GRID2: variants seen among roughly 807,000 people sequenced by gnomAD.
The protein encoded by GRID2 is glutamate receptor ionotropic, delta-2.
Under a neutral mutation model 114.8 loss-of-function variants are expected in GRID2, and 33 were observed. The ratio of observed to expected loss-of-function variants is 0.29; its 90% CI spans 0.22 to 0.38. GRID2 has a LOEUF of 0.38. GRID2 is among the 10% of genes least tolerant of loss of function. The pLI, the probability that GRID2 is intolerant of heterozygous loss-of-function variation, is 1.00. For synonymous variants in GRID2, 505 were observed against 449.9 expected (o/e 1.12, Z -1.55); for missense variants, 1,184 against 1,257.7 (o/e 0.94, Z 0.89).
intron 2 of GRID2, among the ~76,000 whole-genome samples, chr4:92,690,780 C>T (rs1734145735): frequency 6.6e-6 from 1 of 151,800 alleles, no homozygotes. Context: ...TCTTAGTACC[C>T]TCATTTTAAC....
chr4:92,960,881 C>T (rs564398613), intron 2 of GRID2, among the ~76,000 whole-genome samples: 71 of 151,696 alleles, frequency 4.7e-4, no homozygotes, highest in South Asian at 1.2e-3. Context: ...ATTTCATCTT[C>T]TTTTTATCTT....
chr4:92,540,443 T>C (rs866722982), intron 1 of GRID2, among the ~76,000 whole-genome samples: 7 of 152,068 alleles, frequency 4.6e-5, no homozygotes, highest in Middle Eastern at 3.4e-3. Context: ...CTCAAACAAA[T>C]TTACAAGAAA....
At chr4:92,765,405 T>C (rs1303102285) in intron 2 of GRID2, among the ~76,000 whole-genome samples, 1 of 152,102 alleles carries the variant, frequency 6.6e-6, no homozygotes, top group Non-Finnish European at 1.5e-5. Flanking sequence ...ACATATTTTA[T>C]GGGTAAGGAT....
chr4:92,379,293 A>G (rs937391347), intron 1 of GRID2, among the ~76,000 whole-genome samples: 1 of 152,000 alleles, frequency 6.6e-6, no homozygotes, highest in African/African-American at 2.4e-5. Context: ...TGGGGGATCC[A>G]AGATGATGTC....
chr4:93,581,241 G>A (rs898543696), intron 13 of GRID2, among the ~76,000 whole-genome samples: 1 of 151,770 alleles, frequency 6.6e-6, no homozygotes, highest in Admixed American at 6.6e-5. Flanking sequence ...GGAATTTCCT[G>A]AGTGATAGAG....
intron 4 of GRID2, among the ~76,000 whole-genome samples, chr4:93,192,880 G>C (rs981775784): frequency 1.3e-5 from 2 of 151,882 alleles, no homozygotes; most frequent in African/African-American, 2.4e-5. Context: ...GGTATTGCCT[G>C]CCTTATCTCA....
intron 1 of GRID2, among the ~76,000 whole-genome samples, chr4:92,415,991 A>G (rs1048696576): frequency 2.6e-5 from 4 of 151,780 alleles, no homozygotes; most frequent in African/African-American, 9.7e-5. Flanking sequence ...ACAGTTTTCC[A>G]TGGTGGTTGT....
chr4:92,684,753 G>A (rs753619678), intron 2 of GRID2, among the ~76,000 whole-genome samples: 6 of 152,060 alleles, frequency 3.9e-5, no homozygotes, highest in Non-Finnish European at 7.4e-5. Context: ...AGCAGGTGAC[G>A]TATATAATGA....
At chr4:92,972,762 T>A (rs1485138146) in intron 2 of GRID2, among the ~76,000 whole-genome samples, 1 of 151,982 alleles carries the variant, frequency 6.6e-6, no homozygotes, top group Non-Finnish European at 1.5e-5. Context: ...CCTCCCACCT[T>A]CCACCCTCTG....
At chr4:92,416,699 A>G (rs1731632894) in intron 1 of GRID2, among the ~76,000 whole-genome samples, 1 of 152,052 alleles carries the variant, frequency 6.6e-6, no homozygotes, top group South Asian at 2.1e-4. Flanking sequence ...GCTTTGTTGA[A>G]GGTCAGTTGG....
At chr4:93,297,448 A>G (rs1651936309) in intron 8 of GRID2, among the ~76,000 whole-genome samples, 1 of 152,214 alleles carries the variant, frequency 6.6e-6, no homozygotes, top group Non-Finnish European at 1.5e-5. Flanking sequence ...GTAGCAGCTT[A>G]AAAGAGAATA....
intron 1 of GRID2, among the ~76,000 whole-genome samples, chr4:92,304,971 T>C (rs1242323390): frequency 6.6e-6 from 1 of 152,178 alleles, no homozygotes; most frequent in Non-Finnish European, 1.5e-5. Context: ...TCGTGGAATG[T>C]GGCTGGATGC....
At chr4:93,309,119 G>C (rs532910680) in intron 8 of GRID2, among the ~76,000 whole-genome samples, 2 of 152,214 alleles carry the variant, frequency 1.3e-5, no homozygotes, top group East Asian at 3.9e-4. Flanking sequence ...TTGGTTTCCT[G>C]AATCTCACAT....
intron 2 of GRID2, among the ~76,000 whole-genome samples, chr4:92,916,486 A>T (rs551065199): frequency 4.6e-5 from 7 of 152,150 alleles, no homozygotes; most frequent in African/African-American, 1.7e-4. Context: ...CATTAGGTAT[A>T]TCTCCTAATG....
At position 93,013,995 on chromosome 4, in the gene GRID2, G is replaced by A. The variant is rs530035773; in HGVS notation, c.245-71000G>A. On this transcript the variant is annotated intron_variant, in intron 2 of 15. Coordinates refer to ENST00000282020, the MANE Select transcript of GRID2 (RefSeq NM_001510.4). ...ATTTCATGGTAAAGACTGAATCCAAGAGATGTACCTATAAAACAATTTATA... is the reference window on the plus strand; with the variant it reads ...ATTTCATGGTAAAGACTGAATCCAAAAGATGTACCTATAAAACAATTTATA... Among the ~76,000 whole-genome samples, 8 of 151,960 alleles carry A rather than the reference G, an allele frequency of 5.3e-5. 1 individual carries two copies. Among genetic ancestry groups the A allele is most frequent in the Admixed American group, 1.3e-4 (2 of 15,206 alleles).
intron 1 of GRID2, among the ~76,000 whole-genome samples, chr4:92,332,707 G>A (rs1424260100): frequency 1.3e-5 from 2 of 152,146 alleles, no homozygotes; most frequent in African/African-American, 2.4e-5. Context: ...ACAATGGTGG[G>A]ATAGGCATAG....
At chr4:92,765,352 T>TA (rs1407839017) in intron 2 of GRID2, among the ~76,000 whole-genome samples, 3 of 152,140 alleles carry the variant, frequency 2.0e-5, no homozygotes, top group Non-Finnish European at 2.9e-5. Flanking sequence ...TATTTTTCAT[T>TA]AAAAATCGAC....
intron 1 of GRID2, among the ~76,000 whole-genome samples, chr4:92,450,932 A>ATTAAAATAAATTTAAATAAAT (rs1429849088): frequency 6.7e-6 from 1 of 149,646 alleles, no homozygotes; most frequent in East Asian, 1.9e-4. Flanking sequence ...ATAAATTTAA[A>ATTAAAATAAATTTAAATAAAT]TTAAAATAAA....
chr4:93,357,655 C>T (rs996375448), intron 8 of GRID2, among the ~76,000 whole-genome samples: 1 of 151,308 alleles, frequency 6.6e-6, no homozygotes, highest in Non-Finnish European at 1.5e-5. Flanking sequence ...CAAAATATTG[C>T]TACAAAATAT....
Sources: allele counts gnomAD v4.1 joint callset (sites outside exome capture counted in the v4.1 genomes callset), GRCh38; gene constraint gnomAD v4.1.1; transcripts MANE v1.5; gene names NCBI Gene and HGNC (gene_info 2026-07-23, HGNC 2026-07-21).